Variants in SLIT3 observed in about 807,000 individuals in gnomAD.
The protein encoded by SLIT3 is slit guidance ligand 3, also known as slit homolog 3 protein.
In SLIT3, 68 loss-of-function variants were observed where a neutral mutation model predicts 184.0. The ratio of observed to expected loss-of-function variants is 0.37; its 90% CI spans 0.30 to 0.45. SLIT3 has a LOEUF of 0.45. SLIT3 is among the 20% of genes least tolerant of loss of function. SLIT3 has a pLI of 1.00. For synonymous variants in SLIT3, 831 were observed against 828.6 expected (o/e 1.00, Z -0.05); for missense variants, 1,707 against 2,026.0 (o/e 0.84, Z 3.02).
At chr5:168,809,966 A>G (rs1449690377) in intron 8 of SLIT3, among the ~76,000 whole-genome samples, 1 of 151,200 alleles carries the variant, frequency 6.6e-6, no homozygotes, top group East Asian at 1.9e-4. Flanking sequence ...TTTCCACCAC[A>G]GCTTTCCATG....
chr5:169,108,905 C>T (rs951039793), intron 4 of SLIT3, among the ~76,000 whole-genome samples: 3 of 152,196 alleles, frequency 2.0e-5, no homozygotes, highest in Non-Finnish European at 4.4e-5. Context: ...TGTCAGTATC[C>T]TCATCCACAT....
At chr5:168,760,413 T>C (rs1326005248) in intron 16 of SLIT3, among the ~76,000 whole-genome samples, 1 of 152,214 alleles carries the variant, frequency 6.6e-6, no homozygotes, top group Non-Finnish European at 1.5e-5. Flanking sequence ...GCTGCTGGCA[T>C]GTTCATTCTG....
intron 4 of SLIT3, among the ~76,000 whole-genome samples, chr5:168,915,898 T>G (rs1393193575): frequency 6.6e-6 from 1 of 152,254 alleles, no homozygotes; most frequent in Admixed American, 6.5e-5. Flanking sequence ...ACTTGTAATA[T>G]GGACTGTATA....
At chr5:169,024,333 A>T (rs1207127474) in intron 4 of SLIT3, 1 of 152,194 alleles carries the variant, frequency 6.6e-6, no homozygotes, top group Non-Finnish European at 1.5e-5. Context: ...GAGATCCTGA[A>T]GTTTGAATCT....
intron 25 of SLIT3, among the ~76,000 whole-genome samples, chr5:168,710,461 C>T (rs950262665): frequency 6.6e-6 from 1 of 151,988 alleles, no homozygotes; most frequent in African/African-American, 2.4e-5. Flanking sequence ...TTAAAAAATG[C>T]AGGTTGAAGA....
intron 4 of SLIT3, among the ~76,000 whole-genome samples, chr5:169,095,228 C>T (rs1759733786): frequency 6.6e-6 from 1 of 152,148 alleles, no homozygotes; most frequent in African/African-American, 2.4e-5. Context: ...CTGATCATCC[C>T]GGGAAGCACA....
intron 4 of SLIT3, among the ~76,000 whole-genome samples, chr5:168,930,634 A>G (rs920913174): frequency 2.0e-5 from 3 of 151,982 alleles, no homozygotes; most frequent in Admixed American, 6.6e-5. Context: ...ATGAATACAG[A>G]CCCTTAGCAC....
chr5:168,733,542 T>C (rs1446601824), intron 20 of SLIT3, among the ~76,000 whole-genome samples: 2 of 152,118 alleles, frequency 1.3e-5, no homozygotes, highest in South Asian at 2.1e-4. Context: ...TCAACCTCAA[T>C]GTCCATCAAC....
intron 20 of SLIT3, among the ~76,000 whole-genome samples, chr5:168,724,694 T>C (rs1462747776): frequency 1.3e-5 from 2 of 152,246 alleles, no homozygotes; most frequent in Non-Finnish European, 2.9e-5. Flanking sequence ...ACTGGACTTA[T>C]ACATTTCATG....
At chr5:168,696,476 G>C (rs1762069525) in intron 27 of SLIT3, 45 bp from the exon 28 acceptor site, 1 of 1,610,636 alleles carries the variant, frequency 6.2e-7, no homozygotes, top group Non-Finnish European at 8.5e-7. Context: ...AGGGGTCAGG[G>C]AGAGAGGTGG....
At chr5:168,786,318 G>A (rs1223916478) in intron 11 of SLIT3, among the ~76,000 whole-genome samples, 1 of 152,190 alleles carries the variant, frequency 6.6e-6, no homozygotes, top group African/African-American at 2.4e-5. Flanking sequence ...TAAATACACT[G>A]TGTGGGAGAC....
chr5:168,950,406 A>G (rs1467167331), intron 4 of SLIT3, among the ~76,000 whole-genome samples: 5 of 152,234 alleles, frequency 3.3e-5, no homozygotes, highest in Admixed American at 1.3e-4. Context: ...CAAGCTCTGC[A>G]TAGTCATATG....
intron 4 of SLIT3, among the ~76,000 whole-genome samples, chr5:168,938,453 G>C (rs78679564): frequency 0.051 from 7,696 of 152,220 alleles, 639 homozygotes; most frequent in African/African-American, 0.17. Flanking sequence ...GTGACAGATG[G>C]ATCCTTGCCT....
chr5:169,255,317 A>G (rs1765914505), intron 1 of SLIT3, among the ~76,000 whole-genome samples: 1 of 152,230 alleles, frequency 6.6e-6, no homozygotes. Flanking sequence ...TTATCATAAG[A>G]GATGACAGCT....
intron 4 of SLIT3, among the ~76,000 whole-genome samples, chr5:169,092,119 A>G (rs144408570): frequency 0.01 from 1,531 of 152,310 alleles, 9 homozygotes; most frequent in Non-Finnish European, 0.015. Flanking sequence ...CCTACTTCGG[A>G]GGCTGAGGCA....
chr5:169,052,955 C>T (rs529147894), intron 4 of SLIT3, among the ~76,000 whole-genome samples: 39 of 152,260 alleles, frequency 2.6e-4, no homozygotes, highest in African/African-American at 7.2e-4. Context: ...TGAAAGGCAC[C>T]GATGCCCAAA....
chr5:168,748,547 G>T, intron 19 of SLIT3, 113 bp from the exon 20 acceptor site: 1 of 1,093,538 alleles, frequency 9.1e-7, no homozygotes, highest in Non-Finnish European at 1.2e-6. Flanking sequence ...TGTCCCCGCT[G>T]TGTTCTAGAA....
At chr5:168,926,057 C>T (rs769280659) in intron 4 of SLIT3, among the ~76,000 whole-genome samples, 6 of 152,132 alleles carry the variant, frequency 3.9e-5, no homozygotes, top group East Asian at 1.9e-4. Context: ...CTCTTGGGAG[C>T]GGTGCCTCGG....
intron 4 of SLIT3, among the ~76,000 whole-genome samples, chr5:169,192,257 G>A (rs981106525): frequency 2.6e-5 from 4 of 152,124 alleles, no homozygotes; most frequent in South Asian, 2.1e-4. Flanking sequence ...CAGCTAGGGC[G>A]ACTGAGCCAG....
Sources: allele counts gnomAD v4.1 joint callset (sites outside exome capture counted in the v4.1 genomes callset), GRCh38; gene constraint gnomAD v4.1.1; transcripts MANE v1.5; gene names NCBI Gene and HGNC (gene_info 2026-07-23, HGNC 2026-07-21).